Variants in UBE2E1 observed in about 807,000 individuals in gnomAD.
UBE2E1 encodes the protein ubiquitin-conjugating enzyme E2 E1.
Under a neutral mutation model 21.4 loss-of-function variants are expected in UBE2E1, and 6 were observed. The observed-to-expected ratio is 0.28, with a 90% CI of 0.15 to 0.55. The LOEUF is 0.55. Ranked by LOEUF, UBE2E1 falls within the 20% of genes least tolerant of loss-of-function variation. UBE2E1 has a pLI of 0.93. For synonymous variants in UBE2E1, 87 were observed against 82.7 expected, an observed-to-expected ratio of 1.05 and a Z score of -0.28; for missense variants, 142 against 236.5, an observed-to-expected ratio of 0.60 and a Z score of 2.62.
intron 3 of UBE2E1, among the ~76,000 whole-genome samples, chr3:23,829,263 C>T (rs902612269): frequency 1.3e-5 from 2 of 150,156 alleles, no homozygotes; most frequent in African/African-American, 4.9e-5. Flanking sequence ...TGGGGTCAAG[C>T]GATCCTCCCA....
At chr3:23,860,226 G>A (rs527350205) in intron 3 of UBE2E1, among the ~76,000 whole-genome samples, 1 of 152,164 alleles carries the variant, frequency 6.6e-6, no homozygotes, top group African/African-American at 2.4e-5. Context: ...GTTCTGACCC[G>A]CTCAGGTTTC....
At chr3:23,811,674 A>C (rs1164437369) in intron 3 of UBE2E1, among the ~76,000 whole-genome samples, 164 bp downstream of exon 3, 1 of 152,188 alleles carries the variant, frequency 6.6e-6, no homozygotes, top group Non-Finnish European at 1.5e-5. Flanking sequence ...TAATGTTTTG[A>C]TGAGCCTCTG....
intron 3 of UBE2E1, among the ~76,000 whole-genome samples, chr3:23,881,279 A>G (rs898242617): frequency 2.6e-5 from 4 of 152,226 alleles, no homozygotes; most frequent in Non-Finnish European, 5.9e-5. Flanking sequence ...TCTGTATCAG[A>G]GTAATATTTA....
intron 3 of UBE2E1, among the ~76,000 whole-genome samples, chr3:23,864,738 A>G (rs1700618925): frequency 6.6e-6 from 1 of 152,200 alleles, no homozygotes; most frequent in African/African-American, 2.4e-5. Context: ...TTTATGTTAG[A>G]AAAGAACCAT....
rs1701227956 is a variant in UBE2E1, at chr3:23,888,000, T to G, written c.336+301T>G. Among the ~76,000 whole-genome samples the G allele has an allele frequency of 6.6e-6, 1 of 152,178 alleles. No individual in the cohort carries two copies. The highest frequency in any genetic ancestry group is 2.4e-5 in the African/African-American group (1 of 41,440). On this transcript the variant is annotated intron_variant, in intron 4 of 5. Coordinates refer to ENST00000306627, the MANE Select transcript of UBE2E1 (RefSeq NM_003341.5). This position sits in a 1 kb window ranked among gnomAD's most constrained non-coding sequence, Gnocchi z 4.4. Reference sequence around the variant, plus strand: ...GCCCATAGAGAAATGTTTTTGAACCTTTCTCGAGGTTAAAAATGGTGTCAA... The same window carrying G: ...GCCCATAGAGAAATGTTTTTGAACCGTTCTCGAGGTTAAAAATGGTGTCAA...
intron 3 of UBE2E1, among the ~76,000 whole-genome samples, chr3:23,857,610 C>T (rs573951017): frequency 6.6e-6 from 1 of 152,290 alleles, no homozygotes; most frequent in African/African-American, 2.4e-5. Context: ...ACAGAAGTTT[C>T]ACTTCTCCTG....
chr3:23,871,127 T>C (rs1378791978), intron 3 of UBE2E1, among the ~76,000 whole-genome samples: 2 of 152,238 alleles, frequency 1.3e-5, no homozygotes, highest in Non-Finnish European at 2.9e-5. Flanking sequence ...TTTCCCCGCC[T>C]TTCCCCTCTT....
intron 3 of UBE2E1, among the ~76,000 whole-genome samples, chr3:23,874,314 G>C (rs955045117): frequency 1.3e-5 from 2 of 152,158 alleles, no homozygotes; most frequent in African/African-American, 4.8e-5. Context: ...AATGTGTGGA[G>C]GGTAGAGGTG....
rs578123357 is a variant in UBE2E1, at chr3:23,863,532, T to C, written c.204-24035T>C. Among the ~76,000 whole-genome samples the C allele has an allele frequency of 8.5e-5, 13 of 152,290 alleles. No individual in the cohort carries two copies. The highest frequency in any genetic ancestry group is 3.9e-4 in the Admixed American group (6 of 15,284). ...CATAGGTTTTATATAAATTTTATTT[T>C]ACTTTTTATTTTTTTGAGACGGAGT... On this transcript the variant is annotated intron_variant, in intron 3 of 5. Transcript: ENST00000306627. This position sits in a 1 kb window ranked among gnomAD's most constrained non-coding sequence, Gnocchi z 4.3.
At chr3:23,871,843 C>T (rs937803965) in intron 3 of UBE2E1, among the ~76,000 whole-genome samples, 1 of 151,502 alleles carries the variant, frequency 6.6e-6, no homozygotes, top group Non-Finnish European at 1.5e-5. Flanking sequence ...CTCCTCACTT[C>T]CTAGATGGGA....
At chr3:23,846,262 A>G (rs1254246636) in intron 3 of UBE2E1, among the ~76,000 whole-genome samples, 2 of 152,216 alleles carry the variant, frequency 1.3e-5, no homozygotes, top group South Asian at 2.1e-4. Flanking sequence ...TTTTAAGCCT[A>G]TTCAAGAGTG....
intron 3 of UBE2E1, among the ~76,000 whole-genome samples, chr3:23,843,271 T>C (rs943089368): frequency 4.6e-5 from 7 of 152,176 alleles, no homozygotes; most frequent in African/African-American, 1.7e-4. Flanking sequence ...TCTTGTTGAC[T>C]GCAGGACATA....
intron 3 of UBE2E1, chr3:23,866,330 G>T (rs2125316510): frequency 6.6e-6 from 1 of 152,398 alleles, no homozygotes; most frequent in Admixed American, 6.5e-5. Context: ...GGGTGATATT[G>T]TATCCTCAGG....
At chr3:23,882,357 A>G (rs1411844047) in intron 3 of UBE2E1, among the ~76,000 whole-genome samples, 1 of 152,222 alleles carries the variant, frequency 6.6e-6, no homozygotes, top group South Asian at 2.1e-4. Flanking sequence ...TGATTGGTGC[A>G]TTTACAAACC....
At position 23,891,124 on chromosome 3, in the gene UBE2E1, A is replaced by AT. The variant is rs1272086989; in HGVS notation, c.*519dup. On this transcript the variant is annotated 3_prime_UTR_variant, in exon 6 of 6. Transcript: ENST00000306627. The stretch of plus-strand genomic sequence containing the variant: ...AGATGAGTAGTGCGTTTTATTTTAT[A>AT]TGCCAATCTACTTTGTTTAAAAAAG... 1 of 152,652 alleles carries AT rather than the reference A, an allele frequency of 6.6e-6. No individual in the cohort carries two copies. Among genetic ancestry groups the AT allele is most frequent in the Admixed American group, 6.5e-5 (1 of 15,282 alleles). 9.5% of individuals were successfully genotyped at this position (152,652 alleles called of 1,614,324 possible). A position where few individuals can be genotyped will look rare whatever the true frequency, so the allele number is the denominator to read the frequency against.
intron 3 of UBE2E1, among the ~76,000 whole-genome samples, chr3:23,818,209 T>G (rs1453510859): frequency 6.6e-6 from 1 of 152,158 alleles, no homozygotes; most frequent in Non-Finnish European, 1.5e-5. Flanking sequence ...GAGGATGAAC[T>G]GGCTTGAGGG....
At position 23,810,111 on chromosome 3, in the gene UBE2E1, G is replaced by C. The variant is rs1490368822; in HGVS notation, c.153-1349G>C. On this transcript the variant is annotated intron_variant, in intron 2 of 5. Coordinates refer to ENST00000306627, the MANE Select transcript of UBE2E1 (RefSeq NM_003341.5). The surrounding 1 kb of genome is among the most constrained non-coding windows in gnomAD (Gnocchi z 5.8). ...GCAGAAAACCTTTGGAAAGGAAAAC[G>C]TATCCTTTGTGAATTAGATTGCTCT... Among the ~76,000 whole-genome samples the C allele has an allele frequency of 6.6e-6, 1 of 152,108 alleles. No individual in the cohort carries two copies. Among genetic ancestry groups the C allele is most frequent in the Admixed American group, 6.5e-5 (1 of 15,284 alleles).
Position 23,889,124 on chromosome 3 carries a change from A to G in UBE2E1, c.349A>G (p.Thr117Ala). ...TTGTTTTTTTTAGGTTACATTTCGG[A>G]CAAGAATCTATCATTGTAATATTAA... ...PFKPPKVTFRTRIYHCNINSQ... is the reference protein window; with the variant it reads ...PFKPPKVTFRARIYHCNINSQ... The change falls in exon 5 of 6, where the codon ACA (threonine) becomes GCA (alanine). Residue 117 changes from threonine to alanine, a missense_variant. Transcript: ENST00000306627. 6.3e-7 allele frequency: 1 copy of G among 1,591,994 alleles called. No homozygotes were observed. Among genetic ancestry groups the G allele is most frequent in the Non-Finnish European group, 8.5e-7 (1 of 1,172,014 alleles).
At position 23,876,249 on chromosome 3, in the gene UBE2E1, A is replaced by T. The variant is rs1158779048; in HGVS notation, c.204-11318A>T. Among the ~76,000 whole-genome samples, 1 of 152,192 alleles carries T rather than the reference A, an allele frequency of 6.6e-6. No individual in the cohort carries two copies. Among genetic ancestry groups the T allele is most frequent in the Non-Finnish European group, 1.5e-5 (1 of 68,036 alleles). On this transcript the variant is annotated intron_variant, in intron 3 of 5. Coordinates refer to ENST00000306627, the MANE Select transcript of UBE2E1 (RefSeq NM_003341.5). The surrounding 1 kb of genome is among the most constrained non-coding windows in gnomAD (Gnocchi z 4.3). ...GGTGAGGAAGCCTTCTAACTTAGTT[A>T]TTAGGACTATGGCAGTGGTCGCCCT...
Sources: allele counts gnomAD v4.1 joint callset (sites outside exome capture counted in the v4.1 genomes callset), GRCh38; gene constraint gnomAD v4.1.1; non-coding constraint Gnocchi (gnomAD v3.1); transcripts MANE v1.5; gene names NCBI Gene and HGNC (gene_info 2026-07-23, HGNC 2026-07-21).